USP13: variants seen among roughly 807,000 people sequenced by gnomAD.
USP13 encodes the protein ubiquitin specific peptidase 13.
USP13 carries 68 observed loss-of-function variants against 107.8 expected under a neutral mutation model. The ratio of observed to expected loss-of-function variants is 0.63; its 90% CI spans 0.52 to 0.77. The LOEUF (loss-of-function observed/expected upper bound fraction) is 0.77, where lower values mean the gene tolerates loss of function less well. Ranked by LOEUF, USP13 falls within the 30% of genes least tolerant of loss-of-function variation. USP13 has a pLI of 0.00. For missense variants in USP13, 945 were observed against 1,093.3 expected (o/e 0.86, Z 1.91); for synonymous variants, 377 against 389.5 (o/e 0.97, Z 0.38).
intron 8 of USP13, among the ~76,000 whole-genome samples, chr3:179,729,390 G>A (rs12152525): frequency 0.35 from 53,722 of 152,060 alleles, 11,544 homozygotes; most frequent in Non-Finnish European, 0.46. Flanking sequence ...CCAAGGACGG[G>A]CCCAGTCAAG....
chr3:179,706,985 C>G lies in USP13; in HGVS notation c.529C>G (p.Gln177Glu), dbSNP rs770000837. The G allele has an allele frequency of 2.5e-6, 4 of 1,613,988 alleles. No individual in the cohort carries two copies. The Admixed American group carries it at 5.0e-5, about 20-fold the overall frequency. ...CAGCTCAAAATCTCCATACAGAAAGCAGGACCCAGACACGTGGGAAAATGA... is the reference window on the plus strand; with the variant it reads ...CAGCTCAAAATCTCCATACAGAAAGGAGGACCCAGACACGTGGGAAAATGA... ...VLSSKSPYRKQDPDTWENELP... is the reference protein window; with the variant it reads ...VLSSKSPYRKEDPDTWENELP... Residue 177 changes from glutamine (Q) to glutamate (E), a missense_variant, in exon 5 of 21, where the codon CAG (glutamine) becomes GAG (glutamate). By Grantham distance (29) the Gln-to-Glu change is conservative (BLOSUM62 2). Coordinates refer to ENST00000263966, the MANE Select transcript of USP13 (RefSeq NM_003940.3).
intron 15 of USP13, among the ~76,000 whole-genome samples, chr3:179,755,454 C>T (rs890312258): frequency 1.4e-4 from 21 of 152,150 alleles, no homozygotes; most frequent in African/African-American, 3.6e-4. Flanking sequence ...GCCACCATGC[C>T]TGCTTAATTT....
chr3:179,765,991 T>C, intron 19 of USP13, 143 bp downstream of exon 19: 1 of 1,020,728 alleles, frequency 9.8e-7, no homozygotes, highest in Non-Finnish European at 1.4e-6. Context: ...TTTTTTTTTT[T>C]CTTTTTTGAG....
At chr3:179,660,172 T>C (rs529067184) in intron 1 of USP13, among the ~76,000 whole-genome samples, 2 of 152,382 alleles carry the variant, frequency 1.3e-5, no homozygotes, top group East Asian at 3.8e-4. Flanking sequence ...TACATTCGCA[T>C]TGTTGTGTAA....
chr3:179,685,644 A>G (rs1033615233), intron 2 of USP13, among the ~76,000 whole-genome samples: 10 of 151,854 alleles, frequency 6.6e-5, no homozygotes, highest in Admixed American at 2.6e-4. Context: ...AAAAAAAAAA[A>G]AAAGAAAGAA....
chr3:179,682,912 A>G (rs756616206), intron 2 of USP13, among the ~76,000 whole-genome samples: 2 of 152,114 alleles, frequency 1.3e-5, no homozygotes, highest in African/African-American at 2.4e-5. Flanking sequence ...GAGTGATTGT[A>G]CCTATTTACA....
intron 20 of USP13, 130 bp from the exon 21 acceptor site, chr3:179,783,918 C>A: frequency 3.3e-5 from 18 of 544,346 alleles, no homozygotes; most frequent in Non-Finnish European, 4.4e-5. Context: ...CCTTTTTATA[C>A]AACGAACTTG....
intron 7 of USP13, among the ~76,000 whole-genome samples, chr3:179,720,811 C>CTT (rs1215405779): frequency 9.3e-4 from 132 of 142,516 alleles, no homozygotes; most frequent in Non-Finnish European, 1.7e-3. Context: ...TCTTTAAAAT[C>CTT]TTTTTTTTTT....
chr3:179,752,388 C>T lies in USP13; in HGVS notation c.1798+15C>T, dbSNP rs768798044. 1.1e-5 allele frequency: 18 copies of T among 1,595,162 alleles called. No individual in the cohort carries two copies. Among genetic ancestry groups the T allele is most frequent in the African/African-American group, 5.4e-5 (4 of 74,512 alleles). ...CAAAAAATTTGGTAGGTATCTTTTG[C>T]GTGCTTTTGCTTAAAACATCAAATG... is the stretch of plus-strand genomic sequence containing the variant. On this transcript the variant is annotated intron_variant, in intron 14 of 20. Transcript: ENST00000263966.
At chr3:179,724,021 G>A (rs1713423554) in intron 8 of USP13, among the ~76,000 whole-genome samples, 1 of 151,450 alleles carries the variant, frequency 6.6e-6, no homozygotes, top group South Asian at 2.1e-4. Flanking sequence ...ATAGCCGGGC[G>A]TGGTGGTGCA....
intron 8 of USP13, among the ~76,000 whole-genome samples, chr3:179,723,708 C>T (rs1017818024): frequency 1.3e-5 from 2 of 152,144 alleles, no homozygotes; most frequent in Non-Finnish European, 1.5e-5. Flanking sequence ...AGAACATGAG[C>T]AATGAACTAT....
At chr3:179,781,645 C>T in intron 19 of USP13, 94 bp from the exon 20 acceptor site, 1 of 1,041,258 alleles carries the variant, frequency 9.6e-7, no homozygotes, top group Non-Finnish European at 1.5e-6. Flanking sequence ...TAAACAGTTG[C>T]TGGATTATAC....
chr3:179,753,800 G>C (rs1435765459), intron 14 of USP13, among the ~76,000 whole-genome samples: 1 of 152,116 alleles, frequency 6.6e-6, no homozygotes. Flanking sequence ...GATGTATCCT[G>C]TACCAATATT....
chr3:179,690,389 A>T (rs1351151715), intron 3 of USP13, 88 bp downstream of exon 3: 18 of 1,238,210 alleles, frequency 1.5e-5, no homozygotes, highest in Non-Finnish European at 3.5e-6. Context: ...TTAGAGTAAT[A>T]GGTTGTTTAT....
At chr3:179,727,077 T>C (rs1245009728) in intron 8 of USP13, among the ~76,000 whole-genome samples, 1 of 151,914 alleles carries the variant, frequency 6.6e-6, no homozygotes, top group African/African-American at 2.4e-5. Flanking sequence ...CTCAACAGGC[T>C]AATATAGGAA....
At chr3:179,706,782 A>G in intron 4 of USP13, 152 bp from the exon 5 acceptor site, 1 of 871,894 alleles carries the variant, frequency 1.1e-6, no homozygotes. Context: ...ATCCAGGGAA[A>G]GTGCAGGAAA....
intron 5 of USP13, among the ~76,000 whole-genome samples, chr3:179,707,393 C>G (rs1021741709): frequency 2.6e-5 from 4 of 152,100 alleles, no homozygotes; most frequent in African/African-American, 4.8e-5. Context: ...CAGAGTGAAG[C>G]TCCCTCCCTC....
intron 19 of USP13, among the ~76,000 whole-genome samples, chr3:179,774,294 C>G (rs1715436221): frequency 1.3e-5 from 2 of 152,142 alleles, no homozygotes; most frequent in Admixed American, 1.3e-4. Context: ...CCACTATGTC[C>G]GGAATTGGTG....
In USP13 at chr3:179,653,292, G is replaced by C. The variant is rs1381461431; in HGVS notation, c.67G>C (p.Asp23His). 1 of 1,573,184 alleles carries C rather than the reference G, an allele frequency of 6.4e-7. No homozygotes were observed. The highest frequency in any genetic ancestry group is 1.2e-5 in the South Asian group (1 of 85,592). The stretch of plus-strand genomic sequence containing the variant: ...CGGAGGCAGGAAGATGGCTGCAGGA[G>C]ACATCGGCGAGCTGCTAGTGCCCCA... ...GSGGRKMAAGDIGELLVPHMP... is the reference protein window; with the variant it reads ...GSGGRKMAAGHIGELLVPHMP... Residue 23 changes from aspartate (D) to histidine (H), a missense_variant, in exon 1 of 21, where the codon GAC becomes CAC. Physicochemically the swap from Asp to His is moderately conservative, Grantham distance 81. Transcript: ENST00000263966. The surrounding 1 kb of genome is among the most constrained non-coding windows in gnomAD (Gnocchi z 4.0).
Sources: allele counts gnomAD v4.1 joint callset (sites outside exome capture counted in the v4.1 genomes callset), GRCh38; gene constraint gnomAD v4.1.1; non-coding constraint Gnocchi (gnomAD v3.1); transcripts MANE v1.5; gene names NCBI Gene and HGNC (gene_info 2026-07-23, HGNC 2026-07-21).